Variants in C6orf136 observed in about 807,000 individuals in gnomAD.
C6orf136 encodes chromosome 6 open reading frame 136, also known as uncharacterized protein C6orf136.
A neutral mutation model predicts 44.0 loss-of-function variants in C6orf136; 29 were observed. The ratio of observed to expected loss-of-function variants is 0.66; its 90% confidence interval spans 0.49 to 0.90. The LOEUF is 0.90. C6orf136 is among the 40% of genes least tolerant of loss of function. The pLI is 0.00. For missense variants in C6orf136, 628 were observed against 669.3 expected, an observed-to-expected ratio of 0.94 and a Z score of 0.68; for synonymous variants, 293 against 278.6, an observed-to-expected ratio of 1.05 and a Z score of -0.52.
chr6:30,647,742 G>T lies in C6orf136; in HGVS notation c.511G>T (p.Glu171Ter). ...RLALGERSWQ[E>*]GRPVCTRFGP... The stretch of plus-strand genomic sequence containing the variant: ...TGCACTCGGAGAGCGGTCCTGGCAG[G>T]AAGGCCGGCCAGTGTGCACCCGGTT... The change falls in exon 1 of 6, where the codon GAA becomes TAA. Residue 171 changes from glutamate to a stop codon, truncating the protein, a stop_gained. Transcript: ENST00000651131. LOFTEE classifies it high-confidence loss of function. The surrounding 1 kb of genome is among the most constrained non-coding windows in gnomAD (Gnocchi z 4.8). 1 of 1,549,342 alleles carries T rather than the reference G, an allele frequency of 6.5e-7. No individual in the cohort carries two copies. The highest frequency in any genetic ancestry group is 8.7e-7 in the Non-Finnish European group (1 of 1,146,670).
chr6:30,647,247 C>A lies in C6orf136; in HGVS notation c.16C>A (p.Arg6=), dbSNP rs1350299520. 2 of 1,595,666 alleles carry A rather than the reference C, an allele frequency of 1.3e-6. No homozygotes were observed. Among genetic ancestry groups the A allele is most frequent in the Non-Finnish European group, 1.7e-6 (2 of 1,173,958 alleles). The change falls in exon 1 of 6, where the codon CGG becomes AGG. Residue 6 remains arginine, a synonymous_variant. Coordinates refer to ENST00000651131, the MANE Select transcript of C6orf136 (RefSeq NM_001161376.2). This position sits in a 1 kb window ranked among gnomAD's most constrained non-coding sequence, Gnocchi z 4.8. MYQPS[R]GAARRLGPCL... The stretch of plus-strand genomic sequence containing the variant: ...CCGGAAGATCATGTACCAGCCCAGC[C>A]GGGGTGCGGCCCGGCGTCTCGGCCC...
rs770269177 is a variant in C6orf136, at chr6:30,647,293, C to T, written c.62C>T (p.Ala21Val). 5 of 1,600,312 alleles carry T rather than the reference C, an allele frequency of 3.1e-6. No homozygotes were observed. The highest frequency in any genetic ancestry group is 1.4e-5 in the African/African-American group (1 of 73,166). ...RLGPCLRAYQ[A>V]RPQVSGGEEG... ...GGCCCTTGCCTGCGCGCCTACCAGGCTCGACCCCAGGTGAGCGGAGGAGAA... is the reference window on the plus strand; with the variant it reads ...GGCCCTTGCCTGCGCGCCTACCAGGTTCGACCCCAGGTGAGCGGAGGAGAA... Residue 21 changes from alanine (A) to valine (V), a missense_variant, in exon 1 of 6, where the codon GCT becomes GTT. Coordinates refer to ENST00000651131, the MANE Select transcript of C6orf136 (RefSeq NM_001161376.2). This position sits in a 1 kb window ranked among gnomAD's most constrained non-coding sequence, Gnocchi z 4.8.
In C6orf136 at chr6:30,649,896, C is replaced by T. The variant is rs779246780; in HGVS notation, c.954C>T (p.Thr318=). Residue 318 remains threonine (T), a synonymous_variant, in exon 2 of 6, where the codon ACC becomes ACT. Coordinates refer to ENST00000651131, the MANE Select transcript of C6orf136 (RefSeq NM_001161376.2). The part of the protein sequence containing the change: ...VPGTAHPSPA[T]PSGDPSMEEH... ...GAACTGCCCACCCTTCCCCTGCCACCCCGTCAGGAGATCCTAGTATGGAGG... is the reference window on the plus strand; with the variant it reads ...GAACTGCCCACCCTTCCCCTGCCACTCCGTCAGGAGATCCTAGTATGGAGG... 4.6e-5 allele frequency: 75 copies of T among 1,613,806 alleles called. No individual in the cohort carries two copies. The highest frequency in any genetic ancestry group is 6.3e-5 in the Non-Finnish European group (74 of 1,179,890).
intron 2 of C6orf136, among the ~76,000 whole-genome samples, chr6:30,650,558 G>T (rs559714152): frequency 2.0e-5 from 3 of 152,058 alleles, no homozygotes; most frequent in African/African-American, 7.2e-5. Context: ...GCCGAGGCAG[G>T]CGGATCACAA....
chr6:30,647,148 C>T lies in C6orf136; in HGVS notation c.-84C>T. On this transcript the variant is annotated 5_prime_UTR_variant, in exon 1 of 6. The change creates a new upstream start codon in the 5' untranslated region. Coordinates refer to ENST00000651131, the MANE Select transcript of C6orf136 (RefSeq NM_001161376.2). This position sits in a 1 kb window ranked among gnomAD's most constrained non-coding sequence, Gnocchi z 4.8. ...CCGCCCCGGCCTCCTTTCCCCTTCACGAAGCCGGCTCTGGGGCGCGCTCAC... is the reference window on the plus strand; with the variant it reads ...CCGCCCCGGCCTCCTTTCCCCTTCATGAAGCCGGCTCTGGGGCGCGCTCAC... 1 of 1,220,918 alleles carries T rather than the reference C, an allele frequency of 8.2e-7. No individual in the cohort carries two copies. The highest frequency in any genetic ancestry group is 1.1e-6 in the Non-Finnish European group (1 of 911,420). The allele number at this position is 1,220,918 out of a possible 1,614,324, so 75.6% of individuals were successfully genotyped here.
intron 2 of C6orf136, among the ~76,000 whole-genome samples, chr6:30,650,221 C>T (rs1767275663): frequency 6.6e-6 from 1 of 151,246 alleles, no homozygotes; most frequent in Non-Finnish European, 1.5e-5. Flanking sequence ...TGGTGAAACC[C>T]CATCTCTACT....
intron 2 of C6orf136, 136 bp downstream of exon 2, chr6:30,650,095 A>AG: frequency 2.4e-6 from 2 of 840,178 alleles, no homozygotes; most frequent in South Asian, 1.8e-5. Flanking sequence ...CATTTTCCTG[A>AG]GAAAATGATG....
At chr6:30,648,557 C>T (rs1767094094) in intron 1 of C6orf136, among the ~76,000 whole-genome samples, 2 of 151,778 alleles carry the variant, frequency 1.3e-5, no homozygotes, top group Admixed American at 1.3e-4. Flanking sequence ...CGCCACCACA[C>T]CCGGCTAATT....
chr6:30,649,134 G>A (rs1380786112), intron 1 of C6orf136, among the ~76,000 whole-genome samples: 1 of 152,234 alleles, frequency 6.6e-6, no homozygotes, highest in Non-Finnish European at 1.5e-5. Flanking sequence ...GGAGGCAGAG[G>A]CGGGTGGATC....
At chr6:30,652,191 C>T (rs1485874191) in intron 4 of C6orf136, among the ~76,000 whole-genome samples, 12 of 150,990 alleles carry the variant, frequency 7.9e-5, no homozygotes, top group African/African-American at 2.7e-4. Flanking sequence ...TGCAGTGAGC[C>T]GTGATCACAT....
Position 30,647,994 on chromosome 6 carries a change from CT to C in C6orf136, c.615+151del. On this transcript the variant is annotated intron_variant, in intron 1 of 5. Coordinates refer to ENST00000651131, the MANE Select transcript of C6orf136 (RefSeq NM_001161376.2). This position sits in a 1 kb window ranked among gnomAD's most constrained non-coding sequence, Gnocchi z 4.8. ...TAAACCCAGGAGAGTGAAGGCCAGC[CT>C]TTAACTGTCTCCTGAGGTTGTGTCT... The C allele has an allele frequency of 1.7e-6, 2 of 1,197,908 alleles. No individual in the cohort carries two copies. The highest frequency in any genetic ancestry group is 2.2e-6 in the Non-Finnish European group (2 of 896,724). 74.2% of individuals were successfully genotyped at this position (1,197,908 alleles called of 1,614,324 possible).
intron 2 of C6orf136, among the ~76,000 whole-genome samples, chr6:30,650,782 C>CAAA (rs1767335720): frequency 7.0e-6 from 1 of 143,460 alleles, no homozygotes. Flanking sequence ...GACTCCATCT[C>CAAA]AAGCCTGTAA....
At chr6:30,649,119 C>T (rs1403705765) in intron 1 of C6orf136, among the ~76,000 whole-genome samples, 2 of 152,212 alleles carry the variant, frequency 1.3e-5, no homozygotes, top group Non-Finnish European at 2.9e-5. Flanking sequence ...AATCCCAGCA[C>T]TTTAGGAGGC....
intron 1 of C6orf136, among the ~76,000 whole-genome samples, chr6:30,648,348 A>G (rs1767065926): frequency 6.6e-6 from 1 of 151,138 alleles, no homozygotes; most frequent in African/African-American, 2.4e-5. Flanking sequence ...TCAAGTATGT[A>G]TTACATGATT....
rs1561960920 is a variant in C6orf136, at chr6:30,652,917, C to CCT, written c.*3_*4dup. 2 of 1,611,028 alleles carry CCT rather than the reference C, an allele frequency of 1.2e-6. No homozygotes were observed. The highest frequency in any genetic ancestry group is 2.7e-5 in the African/African-American group (2 of 74,858). On this transcript the variant is annotated 3_prime_UTR_variant, in exon 6 of 6. Coordinates refer to ENST00000651131, the MANE Select transcript of C6orf136 (RefSeq NM_001161376.2). ...TTAAACCTGTGTTCCAAGCCCTGATCCTTGACCTTGGAGTGGAGGCAGCAC... is the reference window on the plus strand; with the variant it reads ...TTAAACCTGTGTTCCAAGCCCTGATCCTCTTGACCTTGGAGTGGAGGCAGCAC...
intron 2 of C6orf136, among the ~76,000 whole-genome samples, chr6:30,650,455 A>T (rs1767302619): frequency 6.6e-6 from 1 of 151,768 alleles, no homozygotes; most frequent in African/African-American, 2.4e-5. Context: ...ATGGGATGAG[A>T]TCTTTCACTC....
chr6:30,649,638 A>G lies in C6orf136; in HGVS notation c.696A>G (p.Leu232=). 1.9e-6 allele frequency: 3 copies of G among 1,600,018 alleles called. No individual in the cohort carries two copies. Among genetic ancestry groups the G allele is most frequent in the Non-Finnish European group, 2.6e-6 (3 of 1,176,072 alleles). Residue 232 remains leucine (L), a synonymous_variant, in exon 2 of 6, where the codon CTA becomes CTG. Transcript: ENST00000651131. ...CAACCACTTCCCCATCTTCTCCTCT[A>G]TTCTGGTCTCCCCTGCCCCCACGCC... ...STTTTSPSSP[L]FWSPLPPRLP...
Position 30,653,061 on chromosome 6 carries a change from G to A in C6orf136, c.*146G>A, listed in dbSNP as rs1767600770. On this transcript the variant is annotated 3_prime_UTR_variant, in exon 6 of 6. Coordinates refer to ENST00000651131, the MANE Select transcript of C6orf136 (RefSeq NM_001161376.2). ...ATCTCATGCTGTGTAAAGCTGCTGT[G>A]TAATTTAACTTGTAAATAATAAAGT... The A allele has an allele frequency of 1.2e-5, 13 of 1,058,062 alleles. No individual in the cohort carries two copies. The highest frequency in any genetic ancestry group is 1.8e-5 in the Non-Finnish European group (13 of 738,004). The allele number at this position is 1,058,062 out of a possible 1,614,324, so 65.5% of individuals were successfully genotyped here.
In C6orf136 at chr6:30,647,625, G is replaced by A; in HGVS notation, c.394G>A (p.Gly132Ser). 1.3e-6 allele frequency: 2 copies of A among 1,549,842 alleles called. No individual in the cohort carries two copies. Among genetic ancestry groups the A allele is most frequent in the Non-Finnish European group, 1.7e-6 (2 of 1,146,490 alleles). ...PVPRGDLKGR[G>S]REIRSPAAAP... is the part of the protein sequence containing the mutation. ...GCCTAGAGGTGATTTGAAGGGCAGGGGCCGAGAGATTCGTAGCCCTGCTGC... is the reference window on the plus strand; with the variant it reads ...GCCTAGAGGTGATTTGAAGGGCAGGAGCCGAGAGATTCGTAGCCCTGCTGC... The change falls in exon 1 of 6, where the codon GGC becomes AGC. Residue 132 changes from glycine to serine, a missense_variant. Gly to Ser is a moderately conservative substitution (Grantham distance 56). Coordinates refer to ENST00000651131, the MANE Select transcript of C6orf136 (RefSeq NM_001161376.2). The surrounding 1 kb of genome is among the most constrained non-coding windows in gnomAD (Gnocchi z 4.8).
Sources: allele counts gnomAD v4.1 joint callset (sites outside exome capture counted in the v4.1 genomes callset), GRCh38; gene constraint gnomAD v4.1.1; non-coding constraint Gnocchi (gnomAD v3.1); transcripts MANE v1.5; gene names NCBI Gene and HGNC (gene_info 2026-07-23, HGNC 2026-07-21).